Variants in NIPBL observed in about 807,000 individuals in gnomAD.
NIPBL encodes NIPBL cohesin loading factor.
NIPBL carries 19 observed loss-of-function variants against 321.8 expected under a neutral mutation model. That is an observed-to-expected ratio of 0.06 (90% CI 0.04 to 0.09). The LOEUF is 0.09. NIPBL is among the 10% of genes least tolerant of loss of function. The pLI is 1.00. For synonymous variants in NIPBL, 1,106 were observed against 1,114.1 expected (o/e 0.99, Z 0.14); for missense variants, 2,210 against 3,327.0 (o/e 0.66, Z 8.26).
intron 27 of NIPBL, among the ~76,000 whole-genome samples, 159 bp downstream of exon 27, chr5:37,021,036 C>A (rs1463334426): frequency 6.6e-6 from 1 of 152,238 alleles, no homozygotes; most frequent in Non-Finnish European, 1.5e-5. Context: ...TAGTGGCTCA[C>A]GCCTGTAATC....
rs955872632 is a variant in NIPBL, at chr5:37,052,281, A to G, written c.7063-85A>G. On this transcript the variant is annotated intron_variant, in intron 41 of 46. Transcript: ENST00000282516. ...TTAATTAAAAAAAAACAATGAAGCT[A>G]GCCTCAGAATGTAATGCTCTAAGTA... The G allele has an allele frequency of 7.7e-6, 8 of 1,040,186 alleles. No homozygotes were observed. The African/African-American group carries it at 9.5e-5, about 12-fold the overall frequency. 64.4% of individuals were successfully genotyped at this position (1,040,186 alleles called of 1,614,324 possible).
At chr5:37,039,342 T>C (rs1215004661) in intron 34 of NIPBL, among the ~76,000 whole-genome samples, 1 of 150,982 alleles carries the variant, frequency 6.6e-6, no homozygotes, top group Non-Finnish European at 1.5e-5. Flanking sequence ...ATATTAAATA[T>C]GGAAAATCTA....
chr5:36,905,429 G>A (rs1278207971), intron 1 of NIPBL, among the ~76,000 whole-genome samples: 3 of 152,032 alleles, frequency 2.0e-5, no homozygotes, highest in Non-Finnish European at 2.9e-5. Flanking sequence ...GATCATAATC[G>A]GTGTTTTGAA....
At chr5:36,886,221 C>T (rs1320507927) in intron 1 of NIPBL, 2 of 659,072 alleles carry the variant, frequency 3.0e-6, no homozygotes, top group Non-Finnish European at 2.8e-6. Context: ...AGCAGCTCAA[C>T]AGAATCCTGC....
intron 27 of NIPBL, 131 bp downstream of exon 27, chr5:37,021,008 A>G: frequency 1.2e-6 from 1 of 804,210 alleles, no homozygotes. Flanking sequence ...ATTTGTTTTT[A>G]GGTTCTCCGG....
At chr5:37,019,434 C>T (rs1249926798) in intron 25 of NIPBL, 34 bp downstream of exon 25, 1 of 1,481,006 alleles carries the variant, frequency 6.8e-7, no homozygotes, top group Admixed American at 1.7e-5. Context: ...GGAGATACTA[C>T]ATGTTTATTT....
chr5:36,925,932 C>T (rs185159071), intron 1 of NIPBL, among the ~76,000 whole-genome samples: 99 of 152,262 alleles, frequency 6.5e-4, no homozygotes, highest in African/African-American at 2.3e-3. Context: ...TTTTAACCTC[C>T]TGCTATGCTC....
chr5:36,979,430 C>G (rs1434774461), intron 9 of NIPBL, among the ~76,000 whole-genome samples: 1 of 151,750 alleles, frequency 6.6e-6, no homozygotes, highest in African/African-American at 2.4e-5. Flanking sequence ...GATTTTGGTA[C>G]AATTATTTTG....
At chr5:36,912,600 C>T (rs1307854236) in intron 1 of NIPBL, among the ~76,000 whole-genome samples, 8 of 150,932 alleles carry the variant, frequency 5.3e-5, no homozygotes, top group Admixed American at 5.3e-4. Flanking sequence ...CTCCCGGATT[C>T]AAGCGATTCT....
At chr5:37,027,437 A>C in intron 32 of NIPBL, 25 bp downstream of exon 32, 1 of 1,592,986 alleles carries the variant, frequency 6.3e-7, no homozygotes, top group Non-Finnish European at 8.6e-7. Flanking sequence ...GACTCCTGAT[A>C]ACCTAAAATT....
intron 37 of NIPBL, 74 bp from the exon 38 acceptor site, chr5:37,046,035 T>C: frequency 3.8e-6 from 3 of 785,564 alleles, no homozygotes; most frequent in Non-Finnish European, 4.5e-6. Context: ...TTTTAAGGTA[T>C]TTTTTTCCTT....
intron 1 of NIPBL, among the ~76,000 whole-genome samples, chr5:36,928,632 T>C (rs1749544138): frequency 6.6e-6 from 1 of 152,204 alleles, no homozygotes; most frequent in Non-Finnish European, 1.5e-5. Flanking sequence ...TTTAGAACCT[T>C]TTCATCAGTC....
intron 14 of NIPBL, 148 bp from the exon 15 acceptor site, chr5:37,002,514 G>A (rs979171204): frequency 9.3e-6 from 6 of 647,922 alleles, no homozygotes; most frequent in African/African-American, 1.8e-5. Context: ...TTTTCATTCA[G>A]GGTTTACTTG....
At chr5:36,906,541 G>T (rs937863165) in intron 1 of NIPBL, among the ~76,000 whole-genome samples, 10 of 151,984 alleles carry the variant, frequency 6.6e-5, no homozygotes, top group Non-Finnish European at 1.2e-4. Flanking sequence ...TCTGCTACCA[G>T]GACAGATTTT....
intron 1 of NIPBL, among the ~76,000 whole-genome samples, chr5:36,943,662 T>A (rs1290795650): frequency 6.6e-6 from 1 of 152,086 alleles, no homozygotes; most frequent in African/African-American, 2.4e-5. Context: ...AAAAGTCAGA[T>A]TTAGAGATAC....
chr5:37,058,584 C>T (rs1452071054), intron 43 of NIPBL, among the ~76,000 whole-genome samples: 1 of 152,168 alleles, frequency 6.6e-6, no homozygotes, highest in East Asian at 1.9e-4. Flanking sequence ...CTTACCTATG[C>T]ACCAAATTGA....
At chr5:37,054,994 G>T (rs1189216888) in intron 42 of NIPBL, among the ~76,000 whole-genome samples, 1 of 152,054 alleles carries the variant, frequency 6.6e-6, no homozygotes, top group Admixed American at 6.6e-5. Flanking sequence ...AATTTTTTTA[G>T]CATTGTGGTC....
At chr5:36,999,217 A>G (rs1332791430) in intron 11 of NIPBL, among the ~76,000 whole-genome samples, 1 of 152,192 alleles carries the variant, frequency 6.6e-6, no homozygotes, top group Non-Finnish European at 1.5e-5. Context: ...ATCTAAGCCA[A>G]GTAGGGGACT....
intron 1 of NIPBL, among the ~76,000 whole-genome samples, chr5:36,929,725 T>C (rs1162924987): frequency 6.6e-6 from 1 of 152,106 alleles, no homozygotes; most frequent in Non-Finnish European, 1.5e-5. Flanking sequence ...TACATTTAGG[T>C]ATTTGATCCA....
Sources: allele counts gnomAD v4.1 joint callset (sites outside exome capture counted in the v4.1 genomes callset), GRCh38; gene constraint gnomAD v4.1.1; transcripts MANE v1.5; gene names NCBI Gene and HGNC (gene_info 2026-07-23, HGNC 2026-07-21).